CDH18: variants seen among roughly 807,000 people sequenced by gnomAD.
CDH18 encodes the protein cadherin-18.
Under a neutral mutation model 67.9 loss-of-function variants are expected in CDH18, and 31 were observed. That is an observed-to-expected ratio of 0.46 (90% CI 0.34 to 0.62). The LOEUF is 0.62. CDH18 is among the 20% of genes least tolerant of loss of function. The pLI is 0.01. For missense variants in CDH18, 890 were observed against 975.5 expected, an observed-to-expected ratio of 0.91 and a Z score of 1.17; for synonymous variants, 362 against 347.2, an observed-to-expected ratio of 1.04 and a Z score of -0.48.
intron 1 of CDH18, among the ~76,000 whole-genome samples, chr5:20,351,197 T>TGCGC (rs1741154815): frequency 6.7e-6 from 1 of 150,368 alleles, no homozygotes; most frequent in Non-Finnish European, 1.5e-5. Context: ...TGTGTGCGTG[T>TGCGC]GTGTTATTGC....
At chr5:19,797,181 G>C (rs541249012) in intron 3 of CDH18, among the ~76,000 whole-genome samples, 44 of 151,914 alleles carry the variant, frequency 2.9e-4, no homozygotes, top group African/African-American at 1.1e-3. Flanking sequence ...GATTTTGAAA[G>C]TAAAATAATG....
chr5:20,204,659 G>C (rs147524517), intron 2 of CDH18, among the ~76,000 whole-genome samples: 2,411 of 151,970 alleles, frequency 0.016, 31 homozygotes, highest in Non-Finnish European at 0.027. Flanking sequence ...AAGCCTAAAA[G>C]AGAAACCTAT....
intron 2 of CDH18, among the ~76,000 whole-genome samples, chr5:20,126,717 T>C (rs1031399385): frequency 2.0e-5 from 3 of 152,150 alleles, no homozygotes; most frequent in African/African-American, 7.2e-5. Context: ...AAAAAGATGA[T>C]TTAACATCAC....
rs977094170 is a variant in CDH18 at position 20,524,602 on chromosome 5, A to G, written c.-580+50860T>C. ...ATTTTATATATGTAGGTATATGTAC[A>G]TATCAATATATCTGCATTTAGGAGG... On this transcript the variant is annotated intron_variant, in intron 1 of 14. Transcript: ENST00000507958. Among the ~76,000 whole-genome samples, 3 of 152,224 alleles carry G rather than the reference A, an allele frequency of 2.0e-5. No homozygotes were observed. In the South Asian group the frequency reaches 6.2e-4, roughly 31 times the overall value.
intron 7 of CDH18, among the ~76,000 whole-genome samples, chr5:19,580,930 C>A (rs1743148614): frequency 6.6e-6 from 1 of 151,678 alleles, no homozygotes; most frequent in South Asian, 2.1e-4. Flanking sequence ...TTAAAAGATA[C>A]CTTCATCATC....
At chr5:19,663,553 C>T (rs1244919029) in intron 5 of CDH18, among the ~76,000 whole-genome samples, 1 of 151,790 alleles carries the variant, frequency 6.6e-6, no homozygotes, top group Non-Finnish European at 1.5e-5. Flanking sequence ...GTTGGAGAAA[C>T]CAAATCCTGA....
Position 20,053,167 on chromosome 5 carries a change from T to G in CDH18, c.-517-61153A>C, listed in dbSNP as rs188119351. Reference sequence around the variant, plus strand: ...ATTTTTACATTGTTAACACAAAATTTCTGAAACGCTTTTAAAATAAGGTAT... The same window carrying G: ...ATTTTTACATTGTTAACACAAAATTGCTGAAACGCTTTTAAAATAAGGTAT... On this transcript the variant is annotated intron_variant, in intron 2 of 14. Coordinates refer to the CDH18 transcript ENST00000507958. Among the ~76,000 whole-genome samples, 312 of 152,046 alleles carry G rather than the reference T, an allele frequency of 2.1e-3. 1 individual carries two copies. Among genetic ancestry groups the G allele is most frequent in the Middle Eastern group, 6.8e-3 (2 of 294 alleles).
At chr5:20,216,909 G>A (rs1429713893) in intron 2 of CDH18, among the ~76,000 whole-genome samples, 1 of 151,778 alleles carries the variant, frequency 6.6e-6, no homozygotes, top group Non-Finnish European at 1.5e-5. Context: ...AACATACAAA[G>A]AAATTCCCAT....
At chr5:19,614,913 C>T (rs1242535513) in intron 5 of CDH18, among the ~76,000 whole-genome samples, 3 of 152,070 alleles carry the variant, frequency 2.0e-5, no homozygotes, top group African/African-American at 2.4e-5. Flanking sequence ...TTTGAGAGGC[C>T]TAGGCAGGCA....
At chr5:19,994,244 C>CACAT (rs1800144178) in intron 2 of CDH18, among the ~76,000 whole-genome samples, 2 of 137,510 alleles carry the variant, frequency 1.5e-5, no homozygotes, top group South Asian at 2.2e-4. Flanking sequence ...TATACACACA[C>CACAT]ATATACACAT....
chr5:19,854,715 G>A (rs1171253683), intron 2 of CDH18, among the ~76,000 whole-genome samples: 1 of 152,010 alleles, frequency 6.6e-6, no homozygotes, highest in Admixed American at 6.6e-5. Context: ...ATTGTTTAAA[G>A]ATAACAAGTT....
chr5:19,729,531 T>C (rs1767314887), intron 4 of CDH18, among the ~76,000 whole-genome samples: 1 of 152,214 alleles, frequency 6.6e-6, no homozygotes, highest in South Asian at 2.1e-4. Flanking sequence ...TGGTCCTTGC[T>C]GGTGTACAAT....
chr5:20,211,276 A>T (rs922894665), intron 2 of CDH18, among the ~76,000 whole-genome samples: 1 of 152,138 alleles, frequency 6.6e-6, no homozygotes, highest in East Asian at 1.9e-4. Context: ...GGGCAGCTCA[A>T]TGAGGCCTGC....
intron 1 of CDH18, among the ~76,000 whole-genome samples, chr5:20,501,597 T>TAC (rs1754322482): frequency 3.4e-5 from 2 of 58,952 alleles, no homozygotes; most frequent in Admixed American, 4.3e-4. Flanking sequence ...ATATATATTA[T>TAC]ATATATATAT....
chr5:19,758,248 C>G (rs1284011852), intron 3 of CDH18, among the ~76,000 whole-genome samples: 1 of 152,202 alleles, frequency 6.6e-6, no homozygotes, highest in African/African-American at 2.4e-5. Flanking sequence ...ATAGGCAGTA[C>G]AGGTCGCATG....
chr5:20,172,250 A>ATGTATATATATATATACGTATATATATG (rs1736893847), intron 2 of CDH18, among the ~76,000 whole-genome samples: 1 of 78,294 alleles, frequency 1.3e-5, no homozygotes, highest in Non-Finnish European at 2.9e-5. Context: ...GTATATATAT[A>ATGTATATATATATATACGTATATATATG]TATATATCTC....
chr5:19,727,542 G>A (rs1767000867), intron 4 of CDH18, among the ~76,000 whole-genome samples: 1 of 152,166 alleles, frequency 6.6e-6, no homozygotes, highest in Non-Finnish European at 1.5e-5. Context: ...CAGACTTCTA[G>A]CTTCCAGACT....
intron 5 of CDH18, among the ~76,000 whole-genome samples, chr5:19,645,709 C>A (rs1754641266): frequency 6.6e-6 from 1 of 152,074 alleles, no homozygotes; most frequent in Middle Eastern, 3.2e-3. Context: ...AAAGGAAACA[C>A]AAGAAAGATG....
intron 2 of CDH18, among the ~76,000 whole-genome samples, chr5:20,108,259 T>A (rs1747148437): frequency 6.6e-6 from 1 of 151,964 alleles, no homozygotes; most frequent in Admixed American, 6.6e-5. Context: ...TTATTTTATT[T>A]TTTTTTATTT....
Sources: allele counts gnomAD v4.1 joint callset (sites outside exome capture counted in the v4.1 genomes callset), GRCh38; gene constraint gnomAD v4.1.1; transcripts MANE v1.5; gene names NCBI Gene and HGNC (gene_info 2026-07-23, HGNC 2026-07-21).